The following DOCK3 variants were observed in gnomAD, a reference collection of about 807,000 sequenced individuals.
DOCK3 encodes dedicator of cytokinesis protein 3.
A neutral mutation model predicts 265.6 loss-of-function variants in DOCK3; 60 were observed. That is an observed-to-expected ratio of 0.23 (90% CI 0.18 to 0.28). DOCK3 has a LOEUF of 0.28. Among genes scored for constraint, DOCK3 ranks in the 10% least tolerant of loss-of-function variants. The probability of loss-of-function intolerance (pLI) is 1.00; values close to 1 mark genes in which losing one functional copy is unlikely to be tolerated. For synonymous variants in DOCK3, 881 were observed against 938.0 expected (o/e 0.94, Z 1.11); for missense variants, 1,981 against 2,594.3 (o/e 0.76, Z 5.14).
intron 19 of DOCK3, among the ~76,000 whole-genome samples, chr3:51,230,942 T>A (rs1312762126): frequency 6.6e-6 from 1 of 152,054 alleles, no homozygotes; most frequent in Non-Finnish European, 1.5e-5. Flanking sequence ...AGAATGATTT[T>A]TTTTTTTCTT....
Position 51,359,635 on chromosome 3 carries a change from C to T in DOCK3, c.4885-876C>T, listed in dbSNP as rs868820713. Among the ~76,000 whole-genome samples the T allele has an allele frequency of 1.3e-5, 2 of 152,212 alleles. No homozygotes were observed. The highest frequency in any genetic ancestry group is 4.8e-5 in the African/African-American group (2 of 41,454). On this transcript the variant is annotated intron_variant, in intron 46 of 52. Transcript: ENST00000266037. The surrounding 1 kb of genome is among the most constrained non-coding windows in gnomAD (Gnocchi z 4.8). ...GCCTGGCCAGTGAGGAGGTTCTCTG[C>T]CATGTGGGTTGCAGCAAAAAGCACA...
intron 5 of DOCK3, among the ~76,000 whole-genome samples, chr3:51,061,677 C>T (rs571103416): frequency 9.0e-4 from 136 of 151,398 alleles, no homozygotes; most frequent in African/African-American, 3.2e-3. Flanking sequence ...TTAACCTGCA[C>T]GTTGTGAACA....
chr3:51,304,597 C>T (rs957572095), intron 27 of DOCK3, among the ~76,000 whole-genome samples: 3 of 152,180 alleles, frequency 2.0e-5, no homozygotes, highest in African/African-American at 7.2e-5. Context: ...GTCCTGGTGG[C>T]GTAGGCCCAC....
intron 4 of DOCK3, among the ~76,000 whole-genome samples, chr3:50,914,515 CTTG>C (rs1208463698): frequency 3.6e-4 from 54 of 151,880 alleles, no homozygotes; most frequent in Non-Finnish European, 1.9e-4. Flanking sequence ...GAAAGTTTTT[CTTG>C]TTGTTGATAT....
chr3:50,697,327 T>C (rs989546693), intron 1 of DOCK3, among the ~76,000 whole-genome samples: 1 of 152,094 alleles, frequency 6.6e-6, no homozygotes, highest in Non-Finnish European at 1.5e-5. Context: ...TGGTGACTCA[T>C]GCCTGTAATC....
At chr3:51,347,327 G>A (rs2085655864) in intron 38 of DOCK3, among the ~76,000 whole-genome samples, 1 of 152,144 alleles carries the variant, frequency 6.6e-6, no homozygotes. Flanking sequence ...GAGGTGTAAG[G>A]AAGGGATCCA....
At chr3:50,915,486 G>A (rs973053153) in intron 4 of DOCK3, among the ~76,000 whole-genome samples, 20 of 152,022 alleles carry the variant, frequency 1.3e-4, no homozygotes, top group African/African-American at 4.1e-4. Flanking sequence ...TGGAAGGCAG[G>A]ATGCTAGTAT....
intron 5 of DOCK3, among the ~76,000 whole-genome samples, chr3:50,993,805 A>G (rs941654205): frequency 2.6e-5 from 4 of 152,200 alleles, no homozygotes; most frequent in African/African-American, 9.6e-5. Context: ...AGATTTGATC[A>G]TGCCATTGCC....
chr3:50,828,063 GGACTACA>G (rs1364726680), intron 2 of DOCK3, among the ~76,000 whole-genome samples: 1 of 151,704 alleles, frequency 6.6e-6, no homozygotes, highest in Admixed American at 6.6e-5. Context: ...TGAATAGCTG[GGACTACA>G]GTTGTGCGCC....
intron 2 of DOCK3, among the ~76,000 whole-genome samples, chr3:50,782,052 T>A (rs2041942247): frequency 6.6e-6 from 1 of 152,198 alleles, no homozygotes; most frequent in Admixed American, 6.5e-5. Context: ...TGATTCCATG[T>A]CTTTGCTATT....
chr3:50,974,894 T>TTG, intron 5 of DOCK3, among the ~76,000 whole-genome samples: 1 of 121,990 alleles, frequency 8.2e-6, no homozygotes, highest in Non-Finnish European at 1.7e-5. Context: ...TTTATTCTCT[T>TTG]TGAAGCAATT....
chr3:50,924,784 C>G (rs1375192380), intron 4 of DOCK3, among the ~76,000 whole-genome samples: 1 of 152,208 alleles, frequency 6.6e-6, no homozygotes, highest in African/African-American at 2.4e-5. Context: ...TCTATAGCTG[C>G]TATTTCTTTC....
intron 21 of DOCK3, among the ~76,000 whole-genome samples, chr3:51,238,572 A>G (rs2078452157): frequency 6.6e-6 from 1 of 152,012 alleles, no homozygotes; most frequent in Non-Finnish European, 1.5e-5. Flanking sequence ...TAAGCCTAGT[A>G]CCCATTAGTT....
chr3:50,700,371 G>C (rs2035957160), intron 1 of DOCK3, among the ~76,000 whole-genome samples: 1 of 152,228 alleles, frequency 6.6e-6, no homozygotes, highest in East Asian at 1.9e-4. Flanking sequence ...TCCAGTGCTA[G>C]AACTTATTTC....
At position 51,160,609 on chromosome 3, in the gene DOCK3, G is replaced by A; in HGVS notation, c.944G>A (p.Arg315Gln). ...GGTCCTCCTCACCTGCACTACAGGC[G>A]ACCATATGGCTGTGCGGTCCTAAGC... is the stretch of plus-strand genomic sequence containing the variant. ...KKGPPHLHYRRPYGCAVLSIL... is the reference protein window; with the variant it reads ...KKGPPHLHYRQPYGCAVLSIL... Residue 315 changes from arginine (R) to glutamine (Q), a missense_variant, in exon 12 of 53, where the codon CGA (arginine) becomes CAA (glutamine). Physicochemically the swap from Arg to Gln is conservative, Grantham distance 43. Transcript: ENST00000266037. The A allele has an allele frequency of 6.2e-7, 1 of 1,612,978 alleles. No homozygotes were observed. The highest frequency in any genetic ancestry group is 1.1e-5 in the South Asian group (1 of 90,878).
chr3:51,341,375 A>G lies in DOCK3; in HGVS notation c.3905A>G (p.Asn1302Ser), dbSNP rs759388440. ...TGCCGGAAGATCATTCACTACTTCA[A>G]CAAAGGCAAGGTATGCATCATTAGG... ...GLCRKIIHYF[N>S]KGKSWEFGIP... Residue 1302 changes from asparagine to serine, a missense_variant, in exon 38 of 53, where the codon AAC (asparagine) becomes AGC (serine). Physicochemically the swap from Asn to Ser is conservative, Grantham distance 46. Transcript: ENST00000266037. 1.1e-5 allele frequency: 18 copies of G among 1,613,688 alleles called. No individual in the cohort carries two copies. Among genetic ancestry groups the G allele is most frequent in the Admixed American group, 5.0e-5 (3 of 59,988 alleles).
At position 50,695,015 on chromosome 3, in the gene DOCK3, A is replaced by G. The variant is rs368059973; in HGVS notation, c.37+19715A>G. On this transcript the variant is annotated intron_variant, in intron 1 of 52. Coordinates refer to ENST00000266037, the MANE Select transcript of DOCK3 (RefSeq NM_004947.5). ...AGCAGATTTAATTTTGTTTTAAATC[A>G]ATTAGTCACTTAAGGTTTTTATTTG... is the stretch of plus-strand genomic sequence containing the variant. 1.0e-3 allele frequency among the ~76,000 whole-genome samples: 158 copies of G among 152,322 alleles called. 1 individual carries two copies. The highest frequency in any genetic ancestry group is 7.9e-3 in the East Asian group (41 of 5,190).
At chr3:51,372,169 T>C (rs11715034) in intron 49 of DOCK3, among the ~76,000 whole-genome samples, 37,451 of 152,200 alleles carry the variant, frequency 0.25, 5,918 homozygotes, top group Non-Finnish European at 0.35. Flanking sequence ...AAAAGGCTGA[T>C]TGGAGCTAGG....
intron 2 of DOCK3, among the ~76,000 whole-genome samples, chr3:50,832,677 A>G (rs1378219475): frequency 6.6e-6 from 1 of 152,072 alleles, no homozygotes; most frequent in African/African-American, 2.4e-5. Context: ...AGTTGCTTTT[A>G]TTCAAACGCC....
Sources: gnomAD v4.1 joint callset for allele counts (sites outside exome capture counted in the v4.1 genomes callset) on GRCh38, gnomAD v4.1.1 for gene constraint, Gnocchi (gnomAD v3.1) non-coding constraint, MANE v1.5 for transcripts, NCBI Gene and HGNC (gene_info 2026-07-23, HGNC 2026-07-21) for gene names.